The following RYR2 variants were observed in gnomAD, a reference collection of about 807,000 sequenced individuals.
The protein encoded by RYR2 is cardiac muscle ryanodine receptor-calcium release channel.
In RYR2, 227 loss-of-function variants were observed where a neutral mutation model predicts 601.1. That is an observed-to-expected ratio of 0.38 (90% CI 0.34 to 0.42). The LOEUF (loss-of-function observed/expected upper bound fraction) is 0.42, where lower values mean the gene tolerates loss of function less well. Among genes scored for constraint, RYR2 ranks in the 10% least tolerant of loss-of-function variants. The probability of loss-of-function intolerance (pLI) is 1.00; values close to 1 mark genes in which losing one functional copy is unlikely to be tolerated. For synonymous variants in RYR2, 2,223 were observed against 2,175.1 expected (o/e 1.02, Z -0.61); for missense variants, 4,646 against 6,156.5 (o/e 0.75, Z 8.21).
chr1:237,148,885 GA>G (rs1265032946), intron 1 of RYR2, among the ~76,000 whole-genome samples: 1 of 152,032 alleles, frequency 6.6e-6, no homozygotes, highest in African/African-American at 2.4e-5. Flanking sequence ...TTCAGATCTG[GA>G]TAAGATTGCC....
chr1:237,059,169 G>A (rs1662546324), intron 1 of RYR2, among the ~76,000 whole-genome samples: 1 of 152,036 alleles, frequency 6.6e-6, no homozygotes, highest in Non-Finnish European at 1.5e-5. Context: ...CCCTCTAAAT[G>A]GGCAAACTAA....
At chr1:237,358,343 C>A (rs182412362) in intron 4 of RYR2, among the ~76,000 whole-genome samples, 191 of 152,188 alleles carry the variant, frequency 1.3e-3, no homozygotes, top group South Asian at 4.6e-3. Context: ...TTCTTGCTTG[C>A]CCCGCCGGGT....
At chr1:237,265,600 G>A (rs1688985523) in intron 1 of RYR2, among the ~76,000 whole-genome samples, 1 of 152,178 alleles carries the variant, frequency 6.6e-6, no homozygotes, top group South Asian at 2.1e-4. Context: ...GGGATTACAG[G>A]TGTGAGCTAC....
chr1:237,130,537 C>T (rs1275376923), intron 1 of RYR2, among the ~76,000 whole-genome samples: 3 of 152,022 alleles, frequency 2.0e-5, no homozygotes, highest in African/African-American at 4.8e-5. Context: ...CATGGCATAA[C>T]CCCATCTTTA....
intron 1 of RYR2, among the ~76,000 whole-genome samples, chr1:237,082,750 G>A (rs1384910401): frequency 2.0e-5 from 3 of 151,724 alleles, no homozygotes; most frequent in African/African-American, 7.3e-5. Flanking sequence ...CCCTGCTAGT[G>A]TTAAGATTCT....
Position 237,784,788 on chromosome 1 carries a change from C to A in RYR2, c.13076C>A (p.Pro4359His). ...GERKPLEAAL[P>H]SEDLTDLKEL... is the part of the protein sequence containing the mutation. ...AGGAAACCCCTGGAAGCCGCCCTGC[C>A]CTCCGAGGATCTGACCGACTTAAAG... Residue 4359 changes from proline to histidine, a missense_variant, in exon 90 of 105, where the codon CCC becomes CAC. By Grantham distance (77) the Pro-to-His change is moderately conservative. Around this residue, in one of 17 missense-constraint regions of RYR2, gnomAD observed 364 missense variants for 442.9 expected, o/e 0.82. Transcript: ENST00000366574. The surrounding 1 kb of genome is among the most constrained non-coding windows in gnomAD (Gnocchi z 7.1). 1 of 1,609,788 alleles carries A rather than the reference C, an allele frequency of 6.2e-7. No individual in the cohort carries two copies. Among genetic ancestry groups the A allele is most frequent in the Non-Finnish European group, 8.5e-7 (1 of 1,177,052 alleles).
At chr1:237,605,595 G>C (rs913316285) in intron 35 of RYR2, among the ~76,000 whole-genome samples, 3 of 152,050 alleles carry the variant, frequency 2.0e-5, no homozygotes, top group African/African-American at 4.8e-5. Flanking sequence ...AGAAATAAAG[G>C]GTATTCAATT....
intron 14 of RYR2, among the ~76,000 whole-genome samples, chr1:237,449,569 T>G (rs954531345): frequency 7.2e-5 from 11 of 151,964 alleles, no homozygotes; most frequent in South Asian, 2.1e-4. Flanking sequence ...AGTGCTCTTT[T>G]TGTGTGTGTG....
chr1:237,435,265 C>T (rs1707227538), intron 12 of RYR2, among the ~76,000 whole-genome samples: 1 of 152,118 alleles, frequency 6.6e-6, no homozygotes, highest in Non-Finnish European at 1.5e-5. Flanking sequence ...TTAATCCTAA[C>T]ACAACTGTAT....
chr1:237,068,546 T>C (rs1663930090), intron 1 of RYR2, among the ~76,000 whole-genome samples: 2 of 152,156 alleles, frequency 1.3e-5, no homozygotes, highest in African/African-American at 4.8e-5. Context: ...GGTGGATGAA[T>C]ATTCTCAATT....
chr1:237,320,965 GT>G (rs11443660), intron 2 of RYR2, among the ~76,000 whole-genome samples: 4 of 146,582 alleles, frequency 2.7e-5, no homozygotes, highest in Admixed American at 6.8e-5. Context: ...TCACATTTAG[GT>G]TTTTTTTTTT....
chr1:237,749,538 A>C (rs1038177950), intron 80 of RYR2, among the ~76,000 whole-genome samples: 1 of 152,120 alleles, frequency 6.6e-6, no homozygotes, highest in Non-Finnish European at 1.5e-5. Flanking sequence ...TAAACAACAC[A>C]ACACAGGAGA....
intron 75 of RYR2, among the ~76,000 whole-genome samples, chr1:237,726,842 A>T (rs575960963): frequency 3.3e-5 from 5 of 152,116 alleles, no homozygotes; most frequent in Non-Finnish European, 5.9e-5. Context: ...AAAATGTGAT[A>T]TTCTTACTAA....
chr1:237,724,937 T>C (rs561511707), intron 74 of RYR2, among the ~76,000 whole-genome samples: 1 of 152,286 alleles, frequency 6.6e-6, no homozygotes, highest in East Asian at 1.9e-4. Context: ...AATGATGGCA[T>C]TTCTCAAATG....
rs571836551 is a variant in RYR2, at chr1:237,075,284, G to A, written c.48+32715G>A. Among the ~76,000 whole-genome samples, 183 of 152,150 alleles carry A rather than the reference G, an allele frequency of 1.2e-3. 2 individuals carry two copies. The highest frequency in any genetic ancestry group is 6.2e-4 in the South Asian group (3 of 4,820). ...GTCTGCGGGAGGAGCCAAGATGGCC[G>A]AATAGGAACAGCTCCGGTCTACAGC... is the stretch of plus-strand genomic sequence containing the variant. On this transcript the variant is annotated intron_variant, in intron 1 of 104. Coordinates refer to ENST00000366574, the MANE Select transcript of RYR2 (RefSeq NM_001035.3).
chr1:237,163,674 C>A (rs2490361), intron 1 of RYR2, among the ~76,000 whole-genome samples: 1 of 151,446 alleles, frequency 6.6e-6, no homozygotes, highest in Non-Finnish European at 1.5e-5. Context: ...TTCTGAAAAA[C>A]AGAGACGGAA....
At chr1:237,705,177 G>T (rs766303378) in intron 66 of RYR2, 36 bp from the exon 67 acceptor site, 1 of 1,583,288 alleles carries the variant, frequency 6.3e-7, no homozygotes, top group Admixed American at 1.7e-5. Flanking sequence ...TTACTCACTT[G>T]GAAGACCTTA....
chr1:237,424,364 A>T (rs1050241280), intron 12 of RYR2, among the ~76,000 whole-genome samples: 16 of 152,190 alleles, frequency 1.1e-4, no homozygotes, highest in Admixed American at 1.0e-3. Context: ...GCATCTTCAC[A>T]GTGTTATTCA....
chr1:237,270,388 G>A (rs180863352), intron 1 of RYR2, 109 bp from the exon 2 acceptor site: 63 of 1,433,186 alleles, frequency 4.4e-5, no homozygotes, highest in East Asian at 2.7e-4. Flanking sequence ...TTTTACATTC[G>A]GCACAGATTT....
Sources: gnomAD v4.1 joint callset for allele counts (sites outside exome capture counted in the v4.1 genomes callset) on GRCh38, gnomAD v4.1.1 for gene constraint, gnomAD v4.1.1 regional missense constraint, Gnocchi (gnomAD v3.1) non-coding constraint, MANE v1.5 for transcripts, NCBI Gene and HGNC (gene_info 2026-07-23, HGNC 2026-07-21) for gene names.